EPB41: variants seen among roughly 807,000 people sequenced by gnomAD.
EPB41 encodes erythrocyte membrane protein band 4.1, also known as protein 4.1.
In EPB41, 65 loss-of-function variants were observed where a neutral mutation model predicts 108.0. The observed-to-expected ratio is 0.60, with a 90% CI of 0.49 to 0.74. The LOEUF is 0.74. Ranked by LOEUF, EPB41 falls within the 30% of genes least tolerant of loss-of-function variation. The probability of loss-of-function intolerance (pLI) is 0.00; values close to 1 mark genes in which losing one functional copy is unlikely to be tolerated. For synonymous variants in EPB41, 336 were observed against 358.9 expected, an observed-to-expected ratio of 0.94 and a Z score of 0.72; for missense variants, 875 against 1,037.0, an observed-to-expected ratio of 0.84 and a Z score of 2.15.
intron 7 of EPB41, among the ~76,000 whole-genome samples, chr1:29,022,372 T>TAAAAAAAA (rs370103452): frequency 8.1e-5 from 9 of 111,402 alleles, no homozygotes; most frequent in African/African-American, 1.3e-4. Context: ...ATTGATATAA[T>TAAAAAAAA]AAAAAAAAAA....
intron 1 of EPB41, among the ~76,000 whole-genome samples, chr1:28,929,081 A>G (rs950234258): frequency 6.6e-6 from 1 of 152,224 alleles, no homozygotes; most frequent in East Asian, 1.9e-4. Context: ...AATAATATGT[A>G]ATATGCTTAA....
intron 6 of EPB41, 38 bp downstream of exon 6, chr1:29,015,805 A>ATGTGT (rs2096570820): frequency 7.6e-7 from 1 of 1,309,252 alleles, no homozygotes; most frequent in East Asian, 2.4e-5. Flanking sequence ...TTTATCATAT[A>ATGTGT]ATAATGTGTA....
intron 17 of EPB41, among the ~76,000 whole-genome samples, chr1:29,101,885 G>A (rs1379083090): frequency 6.6e-6 from 1 of 152,150 alleles, no homozygotes; most frequent in Non-Finnish European, 1.5e-5. Context: ...GGGGAACAGA[G>A]TGAGGACCTG....
rs190040706 is a variant in EPB41 at position 29,049,088 on chromosome 1, T to C, written c.1637-4016T>C. Among the ~76,000 whole-genome samples the C allele has an allele frequency of 2.4e-3, 363 of 152,288 alleles. 3 individuals are homozygous for C. The highest frequency in any genetic ancestry group is 8.2e-3 in the African/African-American group (342 of 41,562). ...AGGGGTCTTATTTTAATGATAAAAA[T>C]GAGCATTCCCTTCCTCTTCTGTTAT... On this transcript the variant is annotated intron_variant, in intron 11 of 20. Coordinates refer to ENST00000343067, the MANE Select transcript of EPB41 (RefSeq NM_001376013.1).
intron 1 of EPB41, among the ~76,000 whole-genome samples, chr1:28,892,715 T>A (rs1018716294): frequency 8.6e-5 from 12 of 140,300 alleles, no homozygotes; most frequent in Admixed American, 1.4e-4. Flanking sequence ...AACAAACAAA[T>A]AAACAAAACA....
At chr1:29,078,132 C>G (rs767847792) in intron 16 of EPB41, among the ~76,000 whole-genome samples, 5 of 152,034 alleles carry the variant, frequency 3.3e-5, no homozygotes, top group Non-Finnish European at 7.4e-5. Context: ...AGACTGAGAA[C>G]CGCCTGAACC....
chr1:28,931,942 C>T (rs1197296223), intron 1 of EPB41, among the ~76,000 whole-genome samples: 1 of 152,202 alleles, frequency 6.6e-6, no homozygotes, highest in African/African-American at 2.4e-5. Context: ...TGAGCTTAAG[C>T]TTATTTTAAC....
intron 3 of EPB41, among the ~76,000 whole-genome samples, chr1:28,995,022 A>G (rs1260155829): frequency 1.4e-5 from 2 of 146,248 alleles, no homozygotes; most frequent in Admixed American, 1.4e-4. Context: ...ATCATCTAAA[A>G]TATTATGCTA....
intron 1 of EPB41, among the ~76,000 whole-genome samples, chr1:28,939,145 T>C (rs1336784920): frequency 6.6e-6 from 1 of 152,148 alleles, no homozygotes; most frequent in Non-Finnish European, 1.5e-5. Context: ...TTTTAGATAC[T>C]TTTTATCAGG....
chr1:28,927,836 A>C (rs564022949), intron 1 of EPB41, among the ~76,000 whole-genome samples: 6 of 152,146 alleles, frequency 3.9e-5, no homozygotes, highest in Non-Finnish European at 7.3e-5. Context: ...ACTGCTTTCT[A>C]TCTCAATAAA....
chr1:28,942,780 G>C (rs1322378824), intron 1 of EPB41, among the ~76,000 whole-genome samples: 5 of 152,180 alleles, frequency 3.3e-5, no homozygotes, highest in Non-Finnish European at 7.3e-5. Flanking sequence ...TAATCACATG[G>C]TTGGTTCCCC....
At chr1:29,060,149 G>A (rs1437802774) in intron 14 of EPB41, among the ~76,000 whole-genome samples, 1 of 152,104 alleles carries the variant, frequency 6.6e-6, no homozygotes, top group Non-Finnish European at 1.5e-5. Flanking sequence ...AGATAAAACA[G>A]CTTGTTACAT....
intron 11 of EPB41, among the ~76,000 whole-genome samples, chr1:29,047,102 G>A (rs952061626): frequency 2.0e-5 from 3 of 152,100 alleles, no homozygotes; most frequent in East Asian, 1.9e-4. Flanking sequence ...AGAAGAATTC[G>A]CCTATGAAGC....
intron 1 of EPB41, among the ~76,000 whole-genome samples, chr1:28,948,672 G>C (rs896494074): frequency 1.3e-5 from 2 of 151,376 alleles, no homozygotes; most frequent in African/African-American, 4.9e-5. Context: ...TTTATGAGCC[G>C]GACGCTGTGA....
intron 1 of EPB41, among the ~76,000 whole-genome samples, chr1:28,960,359 T>C (rs2095152549): frequency 6.6e-6 from 1 of 151,866 alleles, no homozygotes; most frequent in South Asian, 2.1e-4. Context: ...CATCCTTTTA[T>C]TAGGGAGACT....
At chr1:28,959,925 G>C (rs911133999) in intron 1 of EPB41, among the ~76,000 whole-genome samples, 3 of 151,074 alleles carry the variant, frequency 2.0e-5, no homozygotes, top group Non-Finnish European at 4.4e-5. Context: ...TGATCTGCCT[G>C]CCTTGACCTC....
intron 1 of EPB41, among the ~76,000 whole-genome samples, chr1:28,946,053 G>A (rs771039099): frequency 6.4e-4 from 97 of 152,248 alleles, no homozygotes; most frequent in Middle Eastern, 3.4e-3. Flanking sequence ...GTGAATGAAT[G>A]AATATAAGAG....
intron 14 of EPB41, 51 bp from the exon 15 acceptor site, chr1:29,060,371 A>T: frequency 6.3e-7 from 1 of 1,582,182 alleles, no homozygotes; most frequent in Non-Finnish European, 8.7e-7. Context: ...CCGCAAGAAC[A>T]ACATTTTAAT....
At position 28,960,966 on chromosome 1, in the gene EPB41, G is replaced by A. The variant is rs183662983; in HGVS notation, c.-7-26465G>A. 3.2e-3 allele frequency among the ~76,000 whole-genome samples: 474 copies of A among 149,326 alleles called. 1 individual carries two copies. The highest frequency in any genetic ancestry group is 5.2e-3 in the Non-Finnish European group (351 of 67,254). ...GGAAAATCACTTGAACTCTGGAGGC[G>A]GAGGTTGCAGTGAGCCGAGATAGTG... On this transcript the variant is annotated intron_variant, in intron 1 of 20. Coordinates refer to ENST00000343067, the MANE Select transcript of EPB41 (RefSeq NM_001376013.1).
Sources: allele counts gnomAD v4.1 joint callset (sites outside exome capture counted in the v4.1 genomes callset), GRCh38; gene constraint gnomAD v4.1.1; transcripts MANE v1.5; gene names NCBI Gene and HGNC (gene_info 2026-07-23, HGNC 2026-07-21).